Variants in AQR observed in about 807,000 individuals in gnomAD.
AQR encodes RNA helicase aquarius.
AQR carries 61 observed loss-of-function variants against 180.5 expected under a neutral mutation model. The ratio of observed to expected loss-of-function variants is 0.34; its 90% CI spans 0.28 to 0.42. The LOEUF is 0.42. Ranked by LOEUF, AQR falls within the 10% of genes least tolerant of loss-of-function variation. The pLI, the probability that AQR is intolerant of heterozygous loss-of-function variation, is 1.00. For synonymous variants in AQR, 551 were observed against 588.8 expected (o/e 0.94, Z 0.93); for missense variants, 1,281 against 1,798.3 (o/e 0.71, Z 5.20).
At chr15:34,857,856 T>C (rs977492911) in intron 34 of AQR, among the ~76,000 whole-genome samples, 3 of 152,152 alleles carry the variant, frequency 2.0e-5, no homozygotes, top group African/African-American at 4.8e-5. Context: ...AAGGTTTCTG[T>C]TCCGTTCAAC....
intron 13 of AQR, among the ~76,000 whole-genome samples, chr15:34,922,971 G>C (rs1258662557): frequency 6.6e-6 from 1 of 152,038 alleles, no homozygotes; most frequent in Non-Finnish European, 1.5e-5. Context: ...TTTGTCACCT[G>C]TAAATTGTTT....
intron 23 of AQR, among the ~76,000 whole-genome samples, chr15:34,890,704 A>G (rs916582351): frequency 9.8e-5 from 15 of 152,334 alleles, no homozygotes; most frequent in South Asian, 4.1e-4. Context: ...GAGAAAGACA[A>G]TAAGAAGGCA....
chr15:34,916,165 T>C (rs567773331), intron 15 of AQR, among the ~76,000 whole-genome samples: 1 of 152,222 alleles, frequency 6.6e-6, no homozygotes, highest in Non-Finnish European at 1.5e-5. Context: ...ATTTAGCCCA[T>C]GACAAAATTT....
At chr15:34,862,293 T>A (rs556319421) in intron 33 of AQR, among the ~76,000 whole-genome samples, 8 of 152,174 alleles carry the variant, frequency 5.3e-5, no homozygotes, top group Non-Finnish European at 1.0e-4. Flanking sequence ...CAGTACAGTA[T>A]AATGATAAAT....
intron 23 of AQR, among the ~76,000 whole-genome samples, chr15:34,891,021 C>A (rs1893138310): frequency 1.3e-5 from 2 of 152,098 alleles, no homozygotes; most frequent in South Asian, 4.1e-4. Flanking sequence ...TAAAAATAAG[C>A]CGCCATTCAA....
At chr15:34,858,320 CAAAAAAAAAA>C (rs57627687) in intron 34 of AQR, among the ~76,000 whole-genome samples, 2 of 86,092 alleles carry the variant, frequency 2.3e-5, no homozygotes, top group Non-Finnish European at 4.5e-5. Flanking sequence ...ACGACAGCAG[CAAAAAAAAAA>C]AAAAAAAAAA....
chr15:34,922,205 G>T (rs1026608364), intron 13 of AQR, among the ~76,000 whole-genome samples: 55 of 152,114 alleles, frequency 3.6e-4, no homozygotes, highest in Non-Finnish European at 1.3e-4. Flanking sequence ...TCTGTAGTTG[G>T]TTCCTTTACG....
chr15:34,924,678 A>AAAGTG (rs1893730956), intron 13 of AQR, among the ~76,000 whole-genome samples: 4 of 152,052 alleles, frequency 2.6e-5, no homozygotes, highest in African/African-American at 9.7e-5. Context: ...TGATCCGCCC[A>AAAGTG]CCTCAGCCTC....
chr15:34,909,966 T>A (rs931001742), intron 17 of AQR, among the ~76,000 whole-genome samples, 169 bp downstream of exon 17: 1 of 152,216 alleles, frequency 6.6e-6, no homozygotes, highest in Non-Finnish European at 1.5e-5. Flanking sequence ...CTGGTATTTT[T>A]AAAACTAATA....
intron 16 of AQR, among the ~76,000 whole-genome samples, chr15:34,913,749 T>G (rs1893534767): frequency 6.6e-6 from 1 of 152,192 alleles, no homozygotes; most frequent in South Asian, 2.1e-4. Flanking sequence ...AAGGTAACCA[T>G]AAATTGTAAA....
At chr15:34,960,150 G>A (rs2050265956) in intron 3 of AQR, among the ~76,000 whole-genome samples, 1 of 152,138 alleles carries the variant, frequency 6.6e-6, no homozygotes, top group African/African-American at 2.4e-5. Flanking sequence ...GTCTGCAGGT[G>A]TATATACAAA....
chr15:34,932,166 C>A, intron 11 of AQR, 152 bp downstream of exon 11: 3 of 560,284 alleles, frequency 5.4e-6, no homozygotes, highest in Non-Finnish European at 9.1e-6. Context: ...TAGAGGCAAC[C>A]TATATAAGAA....
At chr15:34,969,461 G>C (rs1566794592) in intron 1 of AQR, 78 bp downstream of exon 1, 3 of 1,503,898 alleles carry the variant, frequency 2.0e-6, no homozygotes, top group Non-Finnish European at 1.8e-6. Flanking sequence ...CCTAAATCCT[G>C]AAAAAAAACC....
At chr15:34,950,728 C>G (rs552840203) in intron 4 of AQR, among the ~76,000 whole-genome samples, 6 of 152,122 alleles carry the variant, frequency 3.9e-5, no homozygotes, top group Admixed American at 3.3e-4. Flanking sequence ...TTCACTCTTG[C>G]TTATAGTAGA....
chr15:34,910,407 G>T, intron 16 of AQR, 94 bp from the exon 17 acceptor site: 1 of 1,341,420 alleles, frequency 7.5e-7, no homozygotes, highest in Non-Finnish European at 1.0e-6. Flanking sequence ...ATACTGTTCA[G>T]CTAGTATTTA....
intron 3 of AQR, 43 bp from the exon 4 acceptor site, chr15:34,952,963 C>T: frequency 8.5e-7 from 1 of 1,170,740 alleles, no homozygotes. Flanking sequence ...ATAGAGAATA[C>T]AAACGTTTCA....
intron 34 of AQR, among the ~76,000 whole-genome samples, chr15:34,858,697 A>T (rs1467820251): frequency 6.6e-6 from 1 of 152,244 alleles, no homozygotes; most frequent in African/African-American, 2.4e-5. Flanking sequence ...GACTGACTGT[A>T]AAGCTACTAT....
chr15:34,932,973 G>A (rs547975797), intron 10 of AQR, among the ~76,000 whole-genome samples: 175 of 152,114 alleles, frequency 1.2e-3, no homozygotes, highest in Admixed American at 1.8e-3. Context: ...AAGAAAGAAA[G>A]AAAATCTAGC....
At position 34,910,191 on chromosome 15, in the gene AQR, C is replaced by A. The variant is rs1338155635; in HGVS notation, c.1607G>T (p.Arg536Leu). 1 of 1,614,198 alleles carries A rather than the reference C, an allele frequency of 6.2e-7. No homozygotes were observed. The highest frequency in any genetic ancestry group is 1.7e-5 in the Admixed American group (1 of 60,012). The change falls in exon 17 of 35, where the codon CGT (arginine) becomes CTT (leucine). Residue 536 changes from arginine (R) to leucine (L), a missense_variant. Transcript: ENST00000156471. ...ATTGAGATTTATGGTAACATCTGCA[C>A]GAACTCGGGTTGGCCAGTTTTCACC... ...NIGENWPTRV[R>L]ADVTINLNVR...
Sources: gnomAD v4.1 joint callset for allele counts (sites outside exome capture counted in the v4.1 genomes callset) on GRCh38, gnomAD v4.1.1 for gene constraint, MANE v1.5 for transcripts, NCBI Gene and HGNC (gene_info 2026-07-23, HGNC 2026-07-21) for gene names.